TRABD2B: variants seen among roughly 807,000 people sequenced by gnomAD.
The protein encoded by TRABD2B is TraB domain containing 2B.
TRABD2B carries 14 observed loss-of-function variants against 40.1 expected under a neutral mutation model. The observed-to-expected ratio is 0.35, with a 90% CI of 0.23 to 0.55. The LOEUF is 0.55. TRABD2B is among the 20% of genes least tolerant of loss of function. The pLI, the probability that TRABD2B is intolerant of heterozygous loss-of-function variation, is 0.90. For missense variants in TRABD2B, 541 were observed against 648.6 expected (o/e 0.83, Z 1.80); for synonymous variants, 263 against 277.0 (o/e 0.95, Z 0.50).
At chr1:47,789,561 C>T (rs972698646) in intron 4 of TRABD2B, among the ~76,000 whole-genome samples, 1 of 152,166 alleles carries the variant, frequency 6.6e-6, no homozygotes, top group African/African-American at 2.4e-5. Flanking sequence ...GCCAATTTCT[C>T]TTATGTCAAA....
chr1:47,988,597 C>G (rs1645955008), intron 2 of TRABD2B, among the ~76,000 whole-genome samples: 1 of 152,174 alleles, frequency 6.6e-6, no homozygotes, highest in Admixed American at 6.5e-5. Context: ...AACCAACAGG[C>G]TCTGGACAAA....
At chr1:47,853,422 C>T (rs1643856090) in intron 2 of TRABD2B, among the ~76,000 whole-genome samples, 1 of 152,102 alleles carries the variant, frequency 6.6e-6, no homozygotes, top group South Asian at 2.1e-4. Context: ...GCACTCTGGG[C>T]CCAGCAGGTC....
chr1:47,915,607 G>A (rs1054281969), intron 2 of TRABD2B, among the ~76,000 whole-genome samples: 8 of 152,198 alleles, frequency 5.3e-5, no homozygotes, highest in East Asian at 1.9e-4. Flanking sequence ...ATTCAAAGCC[G>A]GTGATTTAGG....
At chr1:47,839,255 C>A (rs1010437758) in intron 2 of TRABD2B, among the ~76,000 whole-genome samples, 7 of 152,134 alleles carry the variant, frequency 4.6e-5, no homozygotes, top group Admixed American at 2.6e-4. Flanking sequence ...GGGCCTGACA[C>A]ACACACCCGT....
intron 2 of TRABD2B, among the ~76,000 whole-genome samples, chr1:47,925,047 C>T (rs1644951832): frequency 6.6e-6 from 1 of 152,172 alleles, no homozygotes; most frequent in Non-Finnish European, 1.5e-5. Flanking sequence ...GAATCTTTCT[C>T]TTAATATTTC....
At chr1:47,860,379 A>G (rs1156852246) in intron 2 of TRABD2B, among the ~76,000 whole-genome samples, 1 of 152,130 alleles carries the variant, frequency 6.6e-6, no homozygotes, top group African/African-American at 2.4e-5. Context: ...AGTTGGGTCT[A>G]CCTGAACATC....
chr1:47,917,267 G>A (rs1354562935), intron 2 of TRABD2B, among the ~76,000 whole-genome samples: 3 of 152,230 alleles, frequency 2.0e-5, no homozygotes, highest in East Asian at 3.9e-4. Flanking sequence ...GCTGGGTGCT[G>A]AAGTCCAGGA....
At chr1:47,899,663 T>C (rs1200107783) in intron 2 of TRABD2B, among the ~76,000 whole-genome samples, 1 of 152,098 alleles carries the variant, frequency 6.6e-6, no homozygotes, top group Non-Finnish European at 1.5e-5. Context: ...AGGATTTTGG[T>C]AAGTTTTGTG....
rs201890025 is a variant in TRABD2B at position 47,938,531 on chromosome 1, G to GA, written c.666+55502dup. On this transcript the variant is annotated intron_variant, in intron 2 of 6. Coordinates refer to ENST00000606738, the MANE Select transcript of TRABD2B (RefSeq NM_001194986.2). The stretch of plus-strand genomic sequence containing the variant: ...TCTTTTTGGAAGCACTAGACACTGG[G>GA]AAAATGCATCTTTCTCCTCTGCTTT... Among the ~76,000 whole-genome samples, 810 of 152,304 alleles carry GA rather than the reference G, an allele frequency of 5.3e-3. 10 individuals are homozygous for GA. Among genetic ancestry groups the GA allele is most frequent in the African/African-American group, 0.017 (709 of 41,564 alleles).
intron 2 of TRABD2B, among the ~76,000 whole-genome samples, chr1:47,894,329 A>G (rs1192087117): frequency 6.6e-6 from 1 of 152,122 alleles, no homozygotes; most frequent in Non-Finnish European, 1.5e-5. Context: ...TTGGTTACTG[A>G]GTTTGGGAGG....
At chr1:47,981,703 G>C (rs756443054) in intron 2 of TRABD2B, among the ~76,000 whole-genome samples, 1 of 152,096 alleles carries the variant, frequency 6.6e-6, no homozygotes, top group South Asian at 2.1e-4. Context: ...ATAAATGAAT[G>C]AACAGTTTAA....
At position 47,856,098 on chromosome 1, in the gene TRABD2B, TGA is replaced by T. The variant is rs1468136918; in HGVS notation, c.667-54481_667-54480del. Reference sequence around the variant, plus strand: ...GGATGGACAAGCCACTTTCTAAGCATGAGATTGGACTCAAAGAAAGGCCCCTG... The same window carrying T: ...GGATGGACAAGCCACTTTCTAAGCATGATTGGACTCAAAGAAAGGCCCCTG... On this transcript the variant is annotated intron_variant, in intron 2 of 6. Transcript: ENST00000606738. 2.6e-5 allele frequency among the ~76,000 whole-genome samples: 4 copies of T among 152,196 alleles called. No homozygotes were observed. The East Asian group carries it at 7.7e-4, about 29-fold the overall frequency.
intron 2 of TRABD2B, among the ~76,000 whole-genome samples, chr1:47,805,911 G>C (rs1186200724): frequency 6.6e-6 from 1 of 152,140 alleles, no homozygotes; most frequent in East Asian, 1.9e-4. Flanking sequence ...GCCAGGCCTG[G>C]AATGTATCCT....
intron 2 of TRABD2B, among the ~76,000 whole-genome samples, chr1:47,902,269 C>G (rs890117316): frequency 6.6e-6 from 1 of 152,186 alleles, no homozygotes; most frequent in African/African-American, 2.4e-5. Context: ...ACCAAGTTCT[C>G]AGGCATGTGC....
rs558453617 is a variant in TRABD2B at position 47,939,093 on chromosome 1, C to T, written c.666+54941G>A. ...GTGATGAGGAAGAGAACGAGGATCA[C>T]GGAGACCACATGGTGAGGAGCCTTG... On this transcript the variant is annotated intron_variant, in intron 2 of 6. Transcript: ENST00000606738. 3.3e-5 allele frequency among the ~76,000 whole-genome samples: 5 copies of T among 152,176 alleles called. No individual in the cohort carries two copies. The East Asian group carries it at 7.7e-4, about 24-fold the overall frequency.
chr1:47,891,925 G>A (rs934257121), intron 2 of TRABD2B, among the ~76,000 whole-genome samples: 1 of 152,232 alleles, frequency 6.6e-6, no homozygotes, highest in East Asian at 1.9e-4. Flanking sequence ...TCCAAGATGA[G>A]GTCAGTGAGG....
chr1:47,789,984 C>A (rs989148850), intron 4 of TRABD2B, among the ~76,000 whole-genome samples: 6 of 151,966 alleles, frequency 3.9e-5, no homozygotes, highest in Admixed American at 1.3e-4. Flanking sequence ...AATGCAATTA[C>A]CAGATTTTCA....
At chr1:47,899,473 G>C (rs1041616944) in intron 2 of TRABD2B, among the ~76,000 whole-genome samples, 4 of 152,194 alleles carry the variant, frequency 2.6e-5, no homozygotes, top group Non-Finnish European at 5.9e-5. Flanking sequence ...CACTGCTGTG[G>C]CCCACTCCAT....
chr1:47,950,113 A>G (rs1028050813), intron 2 of TRABD2B, among the ~76,000 whole-genome samples: 2 of 151,992 alleles, frequency 1.3e-5, no homozygotes, highest in Admixed American at 6.6e-5. Flanking sequence ...GTGAAACCCC[A>G]TCTCTACTAA....
Sources: gnomAD v4.1 joint callset for allele counts (sites outside exome capture counted in the v4.1 genomes callset) on GRCh38, gnomAD v4.1.1 for gene constraint, MANE v1.5 for transcripts, NCBI Gene and HGNC (gene_info 2026-07-23, HGNC 2026-07-21) for gene names.